The following HDAC9 variants were observed in gnomAD, a reference collection of about 807,000 sequenced individuals.
HDAC9 encodes the protein histone deacetylase 9, also known as MEF-2 interacting transcription repressor (MITR) protein.
A neutral mutation model predicts 139.4 loss-of-function variants in HDAC9; 41 were observed. The ratio of observed to expected loss-of-function variants is 0.29; its 90% CI spans 0.23 to 0.38. HDAC9 has a LOEUF of 0.38. HDAC9 is among the 10% of genes least tolerant of loss of function. The pLI, the probability that HDAC9 is intolerant of heterozygous loss-of-function variation, is 1.00. For synonymous variants in HDAC9, 517 were observed against 476.2 expected (o/e 1.09, Z -1.12); for missense variants, 1,147 against 1,297.0 (o/e 0.88, Z 1.78).
intron 14 of HDAC9, among the ~76,000 whole-genome samples, chr7:18,759,825 T>C (rs558743653): frequency 6.6e-6 from 1 of 152,230 alleles, no homozygotes; most frequent in East Asian, 1.9e-4. Flanking sequence ...GGATTGTGGG[T>C]GAATAAGCAA....
At chr7:18,710,042 C>T (rs536937722) in intron 12 of HDAC9, among the ~76,000 whole-genome samples, 8 of 152,292 alleles carry the variant, frequency 5.3e-5, no homozygotes, top group Admixed American at 3.9e-4. Context: ...CTGAAGAGGC[C>T]TCACAATCAT....
chr7:18,509,629 A>G (rs1317780149), intron 2 of HDAC9, among the ~76,000 whole-genome samples: 1 of 152,132 alleles, frequency 6.6e-6, no homozygotes. Flanking sequence ...CTCTATTCCA[A>G]CTGGTCATCA....
chr7:18,356,589 C>T (rs1783325833), intron 1 of HDAC9, among the ~76,000 whole-genome samples: 1 of 151,994 alleles, frequency 6.6e-6, no homozygotes, highest in Non-Finnish European at 1.5e-5. Context: ...TCAGCTCTCT[C>T]TACAGGGGAA....
At chr7:18,244,407 A>G (rs527486560) in intron 2 of HDAC9, among the ~76,000 whole-genome samples, 1 of 152,314 alleles carries the variant, frequency 6.6e-6, no homozygotes, top group African/African-American at 2.4e-5. Context: ...CTATTTGTTC[A>G]TTTCTTGAAA....
At chr7:18,352,666 A>G (rs1782939760) in intron 1 of HDAC9, among the ~76,000 whole-genome samples, 1 of 152,140 alleles carries the variant, frequency 6.6e-6, no homozygotes, top group Admixed American at 6.6e-5. Flanking sequence ...TTTCGTTATG[A>G]TGGTTAGCAT....
chr7:18,477,592 T>C (rs1168825848), intron 1 of HDAC9, among the ~76,000 whole-genome samples: 2 of 152,160 alleles, frequency 1.3e-5, no homozygotes, highest in Non-Finnish European at 2.9e-5. Context: ...TTTAAGATGG[T>C]TTCAAAATTC....
chr7:18,333,829 C>G (rs2128650997), intron 1 of HDAC9, among the ~76,000 whole-genome samples: 1 of 151,208 alleles, frequency 6.6e-6, no homozygotes, highest in African/African-American at 2.4e-5. Flanking sequence ...TATGCAAGAG[C>G]TGGTTCTTAA....
chr7:18,313,924 G>T (rs1217675645), intron 1 of HDAC9, among the ~76,000 whole-genome samples: 1 of 152,110 alleles, frequency 6.6e-6, no homozygotes, highest in Non-Finnish European at 1.5e-5. Context: ...TATATTTTTG[G>T]AGGGATTTCA....
intron 3 of HDAC9, among the ~76,000 whole-genome samples, chr7:18,589,085 C>G (rs979426531): frequency 6.6e-6 from 1 of 152,028 alleles, no homozygotes; most frequent in African/African-American, 2.4e-5. Flanking sequence ...AGTTTAGTAA[C>G]TTGTCCGGAT....
chr7:18,362,136 A>G (rs1164262517), intron 1 of HDAC9, among the ~76,000 whole-genome samples: 4 of 152,224 alleles, frequency 2.6e-5, no homozygotes. Flanking sequence ...TTCTGGGAGA[A>G]CAGAATGAGC....
chr7:18,727,732 C>A lies in HDAC9; in HGVS notation c.1884C>A (p.Arg628=), dbSNP rs764963347. 1.3e-6 allele frequency: 2 copies of A among 1,548,340 alleles called. No homozygotes were observed. Among genetic ancestry groups the A allele is most frequent in the South Asian group, 2.5e-5 (2 of 79,208 alleles). The change falls in exon 13 of 26, where the codon CGC becomes CGA. Residue 628 remains arginine, a synonymous_variant. Transcript: ENST00000686413. ...TTTTACCTCACCCAGCAATGGACCGCCCCCTCCAGCCTGGCTCTGCAACTG... is the reference window on the plus strand; with the variant it reads ...TTTTACCTCACCCAGCAATGGACCGACCCCTCCAGCCTGGCTCTGCAACTG... ...ASVLPHPAMD[R]PLQPGSATGI... is the part of the protein sequence containing the mutation.
intron 2 of HDAC9, among the ~76,000 whole-genome samples, chr7:18,257,473 T>C (rs1006605154): frequency 2.0e-5 from 3 of 150,626 alleles, no homozygotes; most frequent in Admixed American, 6.6e-5. Context: ...AAATTAAAGA[T>C]GAAGTTCTAC....
chr7:18,239,216 C>T (rs1268955867), intron 2 of HDAC9, among the ~76,000 whole-genome samples: 1 of 151,926 alleles, frequency 6.6e-6, no homozygotes, highest in African/African-American at 2.4e-5. Context: ...AGATCATGTG[C>T]AAACAGAAGG....
At chr7:18,948,562 T>C (rs1782566224) in intron 23 of HDAC9, among the ~76,000 whole-genome samples, 1 of 152,158 alleles carries the variant, frequency 6.6e-6, no homozygotes, top group African/African-American at 2.4e-5. Context: ...TTTGAAACTT[T>C]CTATAAATAT....
intron 2 of HDAC9, chr7:18,509,171 T>C: frequency 6.9e-6 from 4 of 581,110 alleles, no homozygotes; most frequent in Non-Finnish European, 8.7e-6. Flanking sequence ...ACACATTATC[T>C]CACATGCTTG....
intron 7 of HDAC9, among the ~76,000 whole-genome samples, chr7:18,631,242 A>G (rs1203560857): frequency 6.6e-6 from 1 of 152,120 alleles, no homozygotes; most frequent in Non-Finnish European, 1.5e-5. Flanking sequence ...TCGTGAGATA[A>G]GCACTCGCCC....
intron 22 of HDAC9, among the ~76,000 whole-genome samples, chr7:18,905,190 C>T (rs1342546133): frequency 2.6e-5 from 4 of 152,218 alleles, no homozygotes; most frequent in Non-Finnish European, 4.4e-5. Flanking sequence ...TGCGCCCGGC[C>T]CAGCCTCCCC....
intron 1 of HDAC9, among the ~76,000 whole-genome samples, chr7:18,387,290 A>G (rs1786029945): frequency 6.6e-6 from 1 of 151,422 alleles, no homozygotes; most frequent in Non-Finnish European, 1.5e-5. Context: ...CCAATATAAT[A>G]TGTTGGTACC....
chr7:18,449,301 G>A (rs779379814), intron 1 of HDAC9, among the ~76,000 whole-genome samples: 5 of 152,186 alleles, frequency 3.3e-5, no homozygotes, highest in Admixed American at 1.3e-4. Context: ...AAAAGAATGA[G>A]CCATTGTTAC....
Sources: gnomAD v4.1 joint callset for allele counts (sites outside exome capture counted in the v4.1 genomes callset) on GRCh38, gnomAD v4.1.1 for gene constraint, MANE v1.5 for transcripts, NCBI Gene and HGNC (gene_info 2026-07-23, HGNC 2026-07-21) for gene names.